DLG2: variants seen among roughly 807,000 people sequenced by gnomAD.
The protein encoded by DLG2 is disks large homolog 2.
DLG2 carries 45 observed loss-of-function variants against 132.5 expected under a neutral mutation model. The ratio of observed to expected loss-of-function variants is 0.34; its 90% confidence interval spans 0.27 to 0.44. DLG2 has a LOEUF of 0.44. Among genes scored for constraint, DLG2 ranks in the 20% least tolerant of loss-of-function variants. The pLI is 1.00. For missense variants in DLG2, 1,045 were observed against 1,196.9 expected, an observed-to-expected ratio of 0.87 and a Z score of 1.87; for synonymous variants, 424 against 419.6, an observed-to-expected ratio of 1.01 and a Z score of -0.13.
At chr11:84,576,026 A>G (rs546246901) in intron 6 of DLG2, among the ~76,000 whole-genome samples, 8 of 152,278 alleles carry the variant, frequency 5.3e-5, no homozygotes, top group African/African-American at 1.9e-4. Flanking sequence ...TCTCTTTTCT[A>G]TATGGCTCAC....
intron 3 of DLG2, among the ~76,000 whole-genome samples, chr11:85,348,713 C>T (rs576490023): frequency 6.6e-6 from 1 of 152,134 alleles, no homozygotes; most frequent in South Asian, 2.1e-4. Flanking sequence ...TAGTGCAAGC[C>T]AGAAATTTAG....
chr11:83,795,441 ATATATC>A (rs71066068), intron 17 of DLG2, among the ~76,000 whole-genome samples: 1 of 147,426 alleles, frequency 6.8e-6, no homozygotes, highest in Non-Finnish European at 1.5e-5. Flanking sequence ...ATCTATATCT[ATATATC>A]TATATCTATA....
chr11:83,483,995 A>G (rs1435322735), intron 22 of DLG2, 134 bp downstream of exon 22: 6 of 706,834 alleles, frequency 8.5e-6, no homozygotes, highest in Non-Finnish European at 1.2e-5. Context: ...TGGTCACAGT[A>G]GTAGACCTGC....
intron 9 of DLG2, among the ~76,000 whole-genome samples, chr11:84,114,094 T>C (rs2093503114): frequency 6.6e-6 from 1 of 152,060 alleles, no homozygotes; most frequent in African/African-American, 2.4e-5. Context: ...AAACTAGTTT[T>C]AATTTTTTTA....
intron 6 of DLG2, among the ~76,000 whole-genome samples, chr11:84,776,774 G>A (rs890453532): frequency 6.6e-6 from 1 of 152,050 alleles, no homozygotes; most frequent in Non-Finnish European, 1.5e-5. Flanking sequence ...TCCATTATAT[G>A]GATATACCAC....
intron 6 of DLG2, among the ~76,000 whole-genome samples, chr11:85,016,798 T>G (rs772950414): frequency 6.6e-6 from 1 of 152,094 alleles, no homozygotes; most frequent in African/African-American, 2.4e-5. Flanking sequence ...AGTCTCCTAA[T>G]AAAATTGAGG....
At chr11:84,828,584 C>G (rs1430779138) in intron 6 of DLG2, among the ~76,000 whole-genome samples, 1 of 151,756 alleles carries the variant, frequency 6.6e-6, no homozygotes. Flanking sequence ...ATACTCATCT[C>G]CTGTCATTGA....
chr11:85,021,609 G>T, intron 6 of DLG2: 3 of 1,377,266 alleles, frequency 2.2e-6, no homozygotes, highest in African/African-American at 1.4e-5. Flanking sequence ...ACACACGGGA[G>T]TTCATGGAGC....
At chr11:85,543,809 C>A (rs1235593098) in intron 3 of DLG2, among the ~76,000 whole-genome samples, 2 of 151,698 alleles carry the variant, frequency 1.3e-5, no homozygotes, top group East Asian at 3.9e-4. Flanking sequence ...CTGTTCATAT[C>A]CTTCATTCAC....
At chr11:85,364,310 G>A (rs1487127171) in intron 3 of DLG2, among the ~76,000 whole-genome samples, 2 of 152,118 alleles carry the variant, frequency 1.3e-5, no homozygotes, top group Non-Finnish European at 1.5e-5. Context: ...GGCTTTTTCT[G>A]GAGCTAAAGT....
chr11:84,931,410 A>G (rs1434216073), intron 6 of DLG2, among the ~76,000 whole-genome samples: 1 of 152,160 alleles, frequency 6.6e-6, no homozygotes, highest in Non-Finnish European at 1.5e-5. Context: ...AAGTGAGAGC[A>G]TGCAGTATTT....
At chr11:85,010,402 T>C (rs1416132784) in intron 6 of DLG2, among the ~76,000 whole-genome samples, 2 of 152,040 alleles carry the variant, frequency 1.3e-5, no homozygotes, top group Non-Finnish European at 2.9e-5. Flanking sequence ...AATAGCACAG[T>C]TTGTTCAGTC....
chr11:83,671,612 A>G (rs1223662156), intron 18 of DLG2, among the ~76,000 whole-genome samples: 1 of 152,238 alleles, frequency 6.6e-6, no homozygotes, highest in East Asian at 1.9e-4. Context: ...GGAAGGGAAG[A>G]GAAACATCTT....
At position 83,598,726 on chromosome 11, in the gene DLG2, T is replaced by G. The variant is rs1430008265; in HGVS notation, c.1940+34485A>C. Among the ~76,000 whole-genome samples, 4 of 152,374 alleles carry G rather than the reference T, an allele frequency of 2.6e-5. No individual in the cohort carries two copies. In the East Asian group the frequency reaches 7.7e-4, roughly 29 times the overall value. On this transcript the variant is annotated intron_variant, in intron 19 of 27. Coordinates refer to ENST00000376104, the MANE Select transcript of DLG2 (RefSeq NM_001142699.3). ...CATATATTAAATGTAAATGAATTAT[T>G]CAGGCAGAACTTTCTCTAAAATAGA...
intron 6 of DLG2, among the ~76,000 whole-genome samples, chr11:84,598,752 C>G (rs2099569223): frequency 6.6e-6 from 1 of 150,976 alleles, no homozygotes; most frequent in South Asian, 2.1e-4. Flanking sequence ...CACAGGGAGA[C>G]CCATCTATGA....
chr11:85,270,830 A>C (rs907434906), intron 4 of DLG2, among the ~76,000 whole-genome samples: 2 of 152,194 alleles, frequency 1.3e-5, no homozygotes, highest in Non-Finnish European at 2.9e-5. Context: ...TGGCAGAATA[A>C]ATTTCTAAGC....
intron 14 of DLG2, among the ~76,000 whole-genome samples, chr11:83,940,784 G>C (rs2082475711): frequency 6.6e-6 from 1 of 152,210 alleles, no homozygotes. Context: ...ATCTTGGGCA[G>C]GTTGTTTACC....
chr11:83,804,579 GAC>G (rs61221099), intron 17 of DLG2, among the ~76,000 whole-genome samples: 48 of 142,020 alleles, frequency 3.4e-4, no homozygotes, highest in Middle Eastern at 7.2e-3. Flanking sequence ...CCTAGCAGAA[GAC>G]ACACACACAC....
At chr11:83,711,813 G>T (rs2085492329) in intron 18 of DLG2, among the ~76,000 whole-genome samples, 1 of 147,746 alleles carries the variant, frequency 6.8e-6, no homozygotes, top group African/African-American at 2.6e-5. Flanking sequence ...GGTCACCTGA[G>T]AGCTTGCTAT....
Sources: allele counts gnomAD v4.1 joint callset (sites outside exome capture counted in the v4.1 genomes callset), GRCh38; gene constraint gnomAD v4.1.1; transcripts MANE v1.5; gene names NCBI Gene and HGNC (gene_info 2026-07-23, HGNC 2026-07-21).